Variants in R3HDM1 observed in about 807,000 individuals in gnomAD.
R3HDM1 encodes R3H domain-containing protein 1.
R3HDM1 carries 46 observed loss-of-function variants against 141.1 expected under a neutral mutation model. That is an observed-to-expected ratio of 0.33 (90% CI 0.26 to 0.42). The LOEUF is 0.42. R3HDM1 is among the 10% of genes least tolerant of loss of function. The probability of loss-of-function intolerance (pLI) is 1.00; values close to 1 mark genes in which losing one functional copy is unlikely to be tolerated. For missense variants in R3HDM1, 1,184 were observed against 1,368.3 expected, an observed-to-expected ratio of 0.87 and a Z score of 2.12; for synonymous variants, 435 against 472.9, an observed-to-expected ratio of 0.92 and a Z score of 1.04.
intron 1 of R3HDM1, among the ~76,000 whole-genome samples, chr2:135,549,578 A>G (rs79525063): frequency 0.093 from 13,613 of 145,734 alleles, 901 homozygotes; most frequent in South Asian, 0.31. Context: ...AAAAAAAAAA[A>G]AAACAAAAAC....
intron 7 of R3HDM1, chr2:135,623,031 T>G: frequency 1.0e-6 from 1 of 980,928 alleles, no homozygotes; most frequent in Non-Finnish European, 1.2e-6. Context: ...AAAAGAAAAA[T>G]AGGTATCTCA....
rs377188538 is a variant in R3HDM1, at chr2:135,638,927, A to G, written c.1024A>G (p.Asn342Asp). 7.4e-6 allele frequency: 12 copies of G among 1,612,982 alleles called. No homozygotes were observed. Among genetic ancestry groups the G allele is most frequent in the Non-Finnish European group, 1.0e-5 (12 of 1,179,642 alleles). ...TAAAGATGCTTCAGGGAGATCTACA[A>G]ATAGCCATCAAAGCAGCACTGAGAA... ...VNKDASGRST[N>D]SHQSSTENEL... is the part of the protein sequence containing the mutation. Residue 342 changes from asparagine to aspartate, a missense_variant, in exon 14 of 27, where the codon AAT (asparagine) becomes GAT (aspartate). Coordinates refer to ENST00000683871, the MANE Select transcript of R3HDM1 (RefSeq NM_001378107.1).
intron 1 of R3HDM1, among the ~76,000 whole-genome samples, chr2:135,567,213 T>G (rs565744621): frequency 6.6e-6 from 1 of 152,332 alleles, no homozygotes; most frequent in Admixed American, 6.5e-5. Context: ...TAGTCCCTGC[T>G]ATCTCCTAAC....
At chr2:135,585,516 A>G (rs1415507036) in intron 1 of R3HDM1, among the ~76,000 whole-genome samples, 2 of 152,228 alleles carry the variant, frequency 1.3e-5, no homozygotes, top group East Asian at 1.9e-4. Flanking sequence ...CAAAATGGGA[A>G]ACAGAGGCAC....
chr2:135,659,186 C>A (rs1018871397), intron 18 of R3HDM1, among the ~76,000 whole-genome samples: 1 of 152,026 alleles, frequency 6.6e-6, no homozygotes, highest in Non-Finnish European at 1.5e-5. Context: ...AAGCCTCGAC[C>A]TCCCAGATTC....
intron 18 of R3HDM1, among the ~76,000 whole-genome samples, chr2:135,654,463 G>T (rs2065534101): frequency 6.6e-6 from 1 of 151,266 alleles, no homozygotes; most frequent in Non-Finnish European, 1.5e-5. Flanking sequence ...TGTTGTTGTT[G>T]TTGTTGAGAC....
chr2:135,628,378 T>C (rs1023161917), intron 7 of R3HDM1, among the ~76,000 whole-genome samples: 2 of 152,178 alleles, frequency 1.3e-5, no homozygotes, highest in African/African-American at 4.8e-5. Flanking sequence ...ACCCAGATAA[T>C]CTAAAAATCC....
At chr2:135,599,124 G>A (rs1039341016) in intron 1 of R3HDM1, among the ~76,000 whole-genome samples, 8 of 151,994 alleles carry the variant, frequency 5.3e-5, no homozygotes, top group African/African-American at 1.7e-4. Context: ...AATTTTACCT[G>A]TAATTTCCTT....
intron 3 of R3HDM1, among the ~76,000 whole-genome samples, chr2:135,608,970 A>T (rs896529318): frequency 2.0e-5 from 3 of 152,218 alleles, no homozygotes; most frequent in Non-Finnish European, 4.4e-5. Context: ...TCATTTATAT[A>T]AAAAAACTGC....
At chr2:135,652,248 C>G (rs564553339) in intron 18 of R3HDM1, among the ~76,000 whole-genome samples, 39 of 152,236 alleles carry the variant, frequency 2.6e-4, no homozygotes, top group African/African-American at 9.4e-4. Flanking sequence ...AGTATGTGAG[C>G]TTTGAGGGGT....
intron 21 of R3HDM1, among the ~76,000 whole-genome samples, chr2:135,708,203 A>G (rs1042734380): frequency 7.4e-4 from 113 of 152,330 alleles, no homozygotes; most frequent in African/African-American, 2.6e-3. Context: ...TTTAAATCCC[A>G]CATAATATCA....
Position 135,701,223 on chromosome 2 carries a change from CAAA to C in R3HDM1, c.2460-8191_2460-8189del, listed in dbSNP as rs748354211. 3.6e-4 allele frequency among the ~76,000 whole-genome samples: 30 copies of C among 82,410 alleles called. 1 individual carries two copies. In the South Asian group the frequency reaches 5.1e-3, roughly 14 times the overall value. The allele number at this position is 82,410 out of a possible 152,430, so 54.1% of individuals were successfully genotyped here. On this transcript the variant is annotated intron_variant, in intron 21 of 26. Coordinates refer to ENST00000683871, the MANE Select transcript of R3HDM1 (RefSeq NM_001378107.1). ...CAACATAACAAGACCTCATCTCTAC[CAAA>C]AAAAAAAAAAAAAAAAAACTATAAA...
chr2:135,644,692 T>C (rs2064189458), intron 15 of R3HDM1, among the ~76,000 whole-genome samples: 1 of 152,188 alleles, frequency 6.6e-6, no homozygotes, highest in African/African-American at 2.4e-5. Context: ...CTTTCCAATA[T>C]CCTGAAGTCA....
chr2:135,571,774 A>T (rs1704165974), intron 1 of R3HDM1, among the ~76,000 whole-genome samples: 1 of 151,662 alleles, frequency 6.6e-6, no homozygotes, highest in East Asian at 1.9e-4. Flanking sequence ...CTACAGGCAC[A>T]CTCTACCATA....
At chr2:135,716,372 C>G (rs1230852307) in intron 24 of R3HDM1, among the ~76,000 whole-genome samples, 1 of 152,054 alleles carries the variant, frequency 6.6e-6, no homozygotes, top group Non-Finnish European at 1.5e-5. Context: ...ATGGCTATGC[C>G]CTTGGTGTAT....
chr2:135,561,383 G>A (rs1240452605), intron 1 of R3HDM1: 20 of 928,438 alleles, frequency 2.2e-5, no homozygotes, highest in Admixed American at 1.2e-4. Context: ...GTCTGTTAAC[G>A]TGGAGAAAAC....
intron 1 of R3HDM1, among the ~76,000 whole-genome samples, chr2:135,565,333 T>TTAG (rs1233571143): frequency 2.0e-5 from 3 of 146,582 alleles, no homozygotes; most frequent in Non-Finnish European, 4.5e-5. Flanking sequence ...ATTATTATTA[T>TTAG]TATTATTATT....
intron 18 of R3HDM1, among the ~76,000 whole-genome samples, chr2:135,655,589 C>G (rs1007882110): frequency 2.0e-5 from 3 of 151,950 alleles, no homozygotes; most frequent in African/African-American, 7.3e-5. Context: ...TCACTGCAAG[C>G]TCCGCCTCCC....
intron 21 of R3HDM1, among the ~76,000 whole-genome samples, chr2:135,703,261 A>G (rs963733851): frequency 6.6e-6 from 1 of 152,080 alleles, no homozygotes; most frequent in African/African-American, 2.4e-5. Flanking sequence ...TCTGCATCCT[A>G]CCTATTTATT....
Sources: allele counts gnomAD v4.1 joint callset (sites outside exome capture counted in the v4.1 genomes callset), GRCh38; gene constraint gnomAD v4.1.1; transcripts MANE v1.5; gene names NCBI Gene and HGNC (gene_info 2026-07-23, HGNC 2026-07-21).